FAT3: variants seen among roughly 807,000 people sequenced by gnomAD.
The protein encoded by FAT3 is FAT atypical cadherin 3, also known as protocadherin Fat 3.
In FAT3, 95 loss-of-function variants were observed where a neutral mutation model predicts 310.2. The observed-to-expected ratio is 0.31, with a 90% CI of 0.26 to 0.36. FAT3 has a LOEUF of 0.36. Ranked by LOEUF, FAT3 falls within the 10% of genes least tolerant of loss-of-function variation. The probability of loss-of-function intolerance (pLI) is 1.00; values close to 1 mark genes in which losing one functional copy is unlikely to be tolerated. For missense variants in FAT3, 5,408 were observed against 5,715.6 expected (o/e 0.95, Z 1.74); for synonymous variants, 2,314 against 2,192.9 (o/e 1.06, Z -1.54).
At chr11:92,255,884 G>T (rs969828980) in intron 1 of FAT3, among the ~76,000 whole-genome samples, 10 of 152,100 alleles carry the variant, frequency 6.6e-5, no homozygotes, top group Non-Finnish European at 1.5e-4. Context: ...CCTTTGTTAT[G>T]ACAAAGATGT....
At chr11:92,435,112 T>A (rs1950895364) in intron 2 of FAT3, among the ~76,000 whole-genome samples, 1 of 152,156 alleles carries the variant, frequency 6.6e-6, no homozygotes, top group African/African-American at 2.4e-5. Context: ...GACCTCCACC[T>A]GGCAAGAGTG....
At chr11:92,834,849 G>A in intron 14 of FAT3, 21 bp from the exon 15 acceptor site, 2 of 1,562,874 alleles carry the variant, frequency 1.3e-6, no homozygotes, top group Non-Finnish European at 1.7e-6. Flanking sequence ...GAAATATAAA[G>A]CTCCCCATTT....
intron 3 of FAT3, among the ~76,000 whole-genome samples, chr11:92,655,556 G>A (rs1942546932): frequency 6.6e-6 from 1 of 152,070 alleles, no homozygotes. Flanking sequence ...GACTGTTGTT[G>A]TTTCTCTGTA....
intron 3 of FAT3, among the ~76,000 whole-genome samples, chr11:92,568,912 T>G (rs1955572113): frequency 6.6e-6 from 1 of 152,154 alleles, no homozygotes. Context: ...CACTGTATTT[T>G]AATTATCTTT....
chr11:92,837,595 C>G, intron 16 of FAT3, 68 bp from the exon 17 acceptor site: 1 of 1,570,396 alleles, frequency 6.4e-7, no homozygotes, highest in Non-Finnish European at 8.7e-7. Context: ...AGCTCCAGTT[C>G]CTCTGTGTGT....
At chr11:92,871,720 G>T (rs965313223) in intron 22 of FAT3, among the ~76,000 whole-genome samples, 5 of 152,080 alleles carry the variant, frequency 3.3e-5, no homozygotes, top group Admixed American at 6.5e-5. Flanking sequence ...AAATTTATCA[G>T]TTGGAAGTTA....
rs1947292373 is a variant in FAT3 at position 92,800,085 on chromosome 11, C to A, written c.7072C>A (p.Gln2358Lys). Residue 2358 changes from glutamine (Q) to lysine (K), a missense_variant, in exon 10 of 28, where the codon CAA becomes AAA. Physicochemically the swap from Gln to Lys is moderately conservative, Grantham distance 53. Transcript: ENST00000525166. ...ACGAATGCTGGACCATGAGTTAGTA[C>A]AACACTGCACTTTGAAAGTCAGATC... The part of the protein sequence containing the change: ...TARMLDHELV[Q>K]HCTLKVRSID... 6 of 1,613,842 alleles carry A rather than the reference C, an allele frequency of 3.7e-6. No homozygotes were observed. Among genetic ancestry groups the A allele is most frequent in the Middle Eastern group, 1.6e-4 (1 of 6,084 alleles).
intron 1 of FAT3, among the ~76,000 whole-genome samples, chr11:92,235,068 C>T (rs1193826069): frequency 6.7e-6 from 1 of 149,800 alleles, no homozygotes; most frequent in Non-Finnish European, 1.5e-5. Context: ...AAGACTCCAT[C>T]TCTCAAAAAA....
Position 92,797,876 on chromosome 11 carries a change from C to T in FAT3, c.4863C>T (p.Gly1621=). ...TGTTTAAGATCGAACCGGTCCTAGGCATCATCACCATTTGCAAAGAACCAG... is the reference window on the plus strand; with the variant it reads ...TGTTTAAGATCGAACCGGTCCTAGGTATCATCACCATTTGCAAAGAACCAG... ...GNMFKIEPVL[G]IITICKEPDM... Residue 1621 remains glycine, a synonymous_variant, in exon 10 of 28, where the codon GGC becomes GGT. Transcript: ENST00000525166. 2 of 1,613,850 alleles carry T rather than the reference C, an allele frequency of 1.2e-6. No homozygotes were observed. The highest frequency in any genetic ancestry group is 1.7e-6 in the Non-Finnish European group (2 of 1,179,802).
At chr11:92,837,957 C>G (rs553344556) in intron 17 of FAT3, among the ~76,000 whole-genome samples, 151 bp downstream of exon 17, 1 of 152,252 alleles carries the variant, frequency 6.6e-6, no homozygotes, top group East Asian at 1.9e-4. Flanking sequence ...AGTTCTTCTA[C>G]CACAGATGAT....
intron 3 of FAT3, among the ~76,000 whole-genome samples, chr11:92,613,169 A>G (rs1380504554): frequency 6.6e-6 from 1 of 152,068 alleles, no homozygotes; most frequent in African/African-American, 2.4e-5. Flanking sequence ...CATTCTGTCC[A>G]TCCTAATATT....
chr11:92,831,629 T>C lies in FAT3; in HGVS notation c.9489T>C (p.Asn3163=), dbSNP rs778808984. 14 of 1,610,964 alleles carry C rather than the reference T, an allele frequency of 8.7e-6. No homozygotes were observed. Among genetic ancestry groups the C allele is most frequent in the Middle Eastern group, 1.6e-4 (1 of 6,072 alleles). ...CCTGTGTCTCTCCCACAGGCATCAATAGGAAGGTCGTGTACTCCCTGGCAG... is the reference window on the plus strand; with the variant it reads ...CCTGTGTCTCTCCCACAGGCATCAACAGGAAGGTCGTGTACTCCCTGGCAG... The part of the protein sequence containing the change: ...VQAVDPDIGI[N]RKVVYSLADS... Residue 3163 remains asparagine (N), a synonymous_variant, in exon 14 of 28, where the codon AAT becomes AAC. Transcript: ENST00000525166.
intron 4 of FAT3, among the ~76,000 whole-genome samples, chr11:92,732,963 T>TA (rs1243640006): frequency 2.0e-5 from 3 of 152,262 alleles, no homozygotes; most frequent in Admixed American, 1.3e-4. Context: ...AGTTTGATGT[T>TA]AAAAAACACT....
intron 3 of FAT3, among the ~76,000 whole-genome samples, chr11:92,666,552 G>A (rs1942959624): frequency 6.6e-6 from 1 of 151,210 alleles, no homozygotes; most frequent in African/African-American, 2.4e-5. Context: ...AGTAGAGACG[G>A]GGTTTCACCA....
At chr11:92,538,310 A>T (rs1453809179) in intron 3 of FAT3, among the ~76,000 whole-genome samples, 1 of 152,154 alleles carries the variant, frequency 6.6e-6, no homozygotes, top group East Asian at 1.9e-4. Context: ...CACAAGAAGG[A>T]TGGAATCCTC....
chr11:92,791,059 G>A (rs1012432332), intron 8 of FAT3, among the ~76,000 whole-genome samples: 1 of 152,124 alleles, frequency 6.6e-6, no homozygotes, highest in African/African-American at 2.4e-5. Flanking sequence ...TCCACTAAGT[G>A]CTACTTTCCT....
At chr11:92,639,960 G>T (rs1203295726) in intron 3 of FAT3, among the ~76,000 whole-genome samples, 2 of 152,084 alleles carry the variant, frequency 1.3e-5, no homozygotes, top group African/African-American at 4.8e-5. Flanking sequence ...TTCCCTAATG[G>T]CTTATACATG....
chr11:92,545,144 C>T (rs1481976436), intron 3 of FAT3, among the ~76,000 whole-genome samples: 1 of 152,134 alleles, frequency 6.6e-6, no homozygotes, highest in African/African-American at 2.4e-5. Flanking sequence ...TTCCTGCTGC[C>T]TGAACCTCTC....
chr11:92,366,381 A>T (rs1002055225), intron 2 of FAT3: 2 of 256,152 alleles, frequency 7.8e-6, no homozygotes, highest in African/African-American at 4.5e-5. Context: ...ATCTGCAGTT[A>T]CAACTTAAGA....
Sources: allele counts gnomAD v4.1 joint callset (sites outside exome capture counted in the v4.1 genomes callset), GRCh38; gene constraint gnomAD v4.1.1; transcripts MANE v1.5; gene names NCBI Gene and HGNC (gene_info 2026-07-23, HGNC 2026-07-21).